The following PLEKHA8 variants were observed in gnomAD, a reference collection of about 807,000 sequenced individuals.
PLEKHA8 encodes the protein pleckstrin homology domain-containing family A member 8.
Under a neutral mutation model 68.2 loss-of-function variants are expected in PLEKHA8, and 36 were observed. That is an observed-to-expected ratio of 0.53 (90% CI 0.40 to 0.70). The LOEUF (loss-of-function observed/expected upper bound fraction) is 0.70, where lower values mean the gene tolerates loss of function less well. PLEKHA8 is among the 30% of genes least tolerant of loss of function. The pLI is 0.00. For synonymous variants in PLEKHA8, 211 were observed against 216.1 expected (o/e 0.98, Z 0.20); for missense variants, 505 against 615.4 (o/e 0.82, Z 1.90).
At chr7:30,058,860 C>A (rs929363296) in intron 9 of PLEKHA8, among the ~76,000 whole-genome samples, 1 of 152,234 alleles carries the variant, frequency 6.6e-6, no homozygotes, top group African/African-American at 2.4e-5. Context: ...GGCTCACTGG[C>A]TTATAACTGT....
chr7:30,066,468 A>G, intron 12 of PLEKHA8, among the ~76,000 whole-genome samples: 1 of 152,156 alleles, frequency 6.6e-6, no homozygotes, highest in East Asian at 1.9e-4. Flanking sequence ...CATAATGATA[A>G]TCAGAGTGGA....
chr7:30,056,034 C>T (rs1295564630), intron 9 of PLEKHA8, among the ~76,000 whole-genome samples: 2 of 151,164 alleles, frequency 1.3e-5, no homozygotes, highest in Non-Finnish European at 2.9e-5. Flanking sequence ...GCTCCGCCCC[C>T]CAGGTTCATG....
At chr7:30,034,453 C>T (rs1348670822) in intron 1 of PLEKHA8, among the ~76,000 whole-genome samples, 1 of 152,142 alleles carries the variant, frequency 6.6e-6, no homozygotes, top group African/African-American at 2.4e-5. Context: ...AAATCTTAAC[C>T]AGTAGCCTGC....
At chr7:30,060,316 C>T (rs1194383768) in intron 9 of PLEKHA8, among the ~76,000 whole-genome samples, 2 of 151,694 alleles carry the variant, frequency 1.3e-5, no homozygotes, top group Non-Finnish European at 2.9e-5. Context: ...TGGTGGGCAT[C>T]TGTAATCTCA....
downstream of PLEKHA8, among the ~76,000 whole-genome samples, chr7:30,092,737 CA>C (rs1207336941): frequency 6.6e-6 from 1 of 152,268 alleles, no homozygotes; most frequent in Non-Finnish European, 1.5e-5. Flanking sequence ...CCTCTGGCCA[CA>C]GCGTGGGCAT....
intron 1 of PLEKHA8, among the ~76,000 whole-genome samples, chr7:30,030,152 C>T (rs1790550406): frequency 1.3e-5 from 2 of 152,302 alleles, no homozygotes; most frequent in South Asian, 4.1e-4. Flanking sequence ...TCTGAGGTCT[C>T]TCTAAGCTCT....
At chr7:30,117,653 A>G (rs2128023045) in intron 13 of PLEKHA8, among the ~76,000 whole-genome samples, 1 of 152,284 alleles carries the variant, frequency 6.6e-6, no homozygotes, top group East Asian at 1.9e-4. Flanking sequence ...GCAGTGAGCC[A>G]TGATCATGCC....
intron 1 of PLEKHA8, among the ~76,000 whole-genome samples, chr7:30,032,284 C>A (rs1340059045): frequency 1.3e-5 from 2 of 152,102 alleles, no homozygotes; most frequent in Admixed American, 1.3e-4. Context: ...GGCAAACAGC[C>A]CTATTACTGC....
intron 1 of PLEKHA8, among the ~76,000 whole-genome samples, chr7:30,038,084 G>C (rs922331307): frequency 6.6e-6 from 1 of 152,008 alleles, no homozygotes; most frequent in African/African-American, 2.4e-5. Flanking sequence ...GAACTGTGGC[G>C]GACTTAAAGG....
rs539561610 is a variant in PLEKHA8, at chr7:30,079,416, T to G, written c.*629T>G. ...GCTGACAGGCATGAAACCGTTGCTC[T>G]GAGAAGATTAATGGTGTGCCCTAGC... On this transcript the variant is annotated 3_prime_UTR_variant, in exon 14 of 14. Coordinates refer to ENST00000449726, the MANE Select transcript of PLEKHA8 (RefSeq NM_001197026.2). 9.7e-5 allele frequency: 96 copies of G among 985,712 alleles called. No individual in the cohort carries two copies. In the South Asian group the frequency reaches 1.3e-3, roughly 14 times the overall value. 61.1% of individuals were successfully genotyped at this position (985,712 alleles called of 1,614,324 possible). A position where few individuals can be genotyped will look rare whatever the true frequency, so the allele number is the denominator to read the frequency against.
chr7:30,104,708 A>G (rs956706057), intron 13 of PLEKHA8, among the ~76,000 whole-genome samples: 2 of 149,042 alleles, frequency 1.3e-5, no homozygotes, highest in Admixed American at 1.4e-4. Context: ...TAAAGGTCAC[A>G]ACAGCTTTTT....
chr7:30,126,088 T>G (rs1796767407), intron 13 of PLEKHA8, among the ~76,000 whole-genome samples: 1 of 152,168 alleles, frequency 6.6e-6, no homozygotes, highest in Admixed American at 6.6e-5. Flanking sequence ...TACAGATTTT[T>G]TTTTTTCACT....
At chr7:30,050,311 T>G (rs1017824458) in intron 5 of PLEKHA8, 123 bp from the exon 6 acceptor site, 2 of 1,290,956 alleles carry the variant, frequency 1.5e-6, no homozygotes, top group South Asian at 1.7e-5. Context: ...TGTTTTTGTT[T>G]AGTGGGGCTA....
chr7:30,101,959 T>C (rs934064936), intron 13 of PLEKHA8, among the ~76,000 whole-genome samples: 1 of 152,184 alleles, frequency 6.6e-6, no homozygotes, highest in Non-Finnish European at 1.5e-5. Context: ...AAAAAACTTT[T>C]GTGCATCAAA....
chr7:30,115,799 T>C (rs1465407900), intron 13 of PLEKHA8: 1 of 145,298 alleles, frequency 6.9e-6, no homozygotes, highest in Non-Finnish European at 1.5e-5. Flanking sequence ...TGCACATACA[T>C]GTATACACGC....
At chr7:30,051,133 C>T (rs117567974) in intron 6 of PLEKHA8, among the ~76,000 whole-genome samples, 1,555 of 152,292 alleles carry the variant, frequency 0.01, 17 homozygotes, top group East Asian at 0.039. Flanking sequence ...CTCCTGAGCT[C>T]AAGCAATTCA....
Position 30,083,479 on chromosome 7 carries a change from A to G in PLEKHA8, c.*4692A>G, listed in dbSNP as rs556936145. The G allele has an allele frequency of 2.6e-5, 26 of 985,266 alleles. No individual in the cohort carries two copies. The South Asian group carries it at 7.5e-4, about 28-fold the overall frequency. 61.0% of individuals were successfully genotyped at this position (985,266 alleles called of 1,614,324 possible). A position where few individuals can be genotyped will look rare whatever the true frequency, so the allele number is the denominator to read the frequency against. ...ATTCCCATCCTGTCTCAGACAGTCA[A>G]TAGTCCTGTGTACAGTGACTATTTG... On this transcript the variant is annotated 3_prime_UTR_variant, in exon 14 of 14. Transcript: ENST00000449726.
At chr7:30,056,306 CTCTCTCTA>C (rs1322347357) in intron 9 of PLEKHA8, among the ~76,000 whole-genome samples, 23 of 90,232 alleles carry the variant, frequency 2.5e-4, no homozygotes, top group South Asian at 1.4e-3. Context: ...CTCTCTCTCT[CTCTCTCTA>C]TATATATATA....
At chr7:30,055,468 A>G in intron 9 of PLEKHA8, 126 bp downstream of exon 9, 1 of 781,166 alleles carries the variant, frequency 1.3e-6, no homozygotes, top group Non-Finnish European at 2.2e-6. Flanking sequence ...TGTTCAAATC[A>G]CCAGACACAT....
Sources: allele counts gnomAD v4.1 joint callset (sites outside exome capture counted in the v4.1 genomes callset), GRCh38; gene constraint gnomAD v4.1.1; transcripts MANE v1.5; gene names NCBI Gene and HGNC (gene_info 2026-07-23, HGNC 2026-07-21).